The following INPP4B variants were observed in gnomAD, a reference collection of about 807,000 sequenced individuals.
INPP4B encodes the protein inositol polyphosphate 4-phosphatase type II.
INPP4B carries 55 observed loss-of-function variants against 122.5 expected under a neutral mutation model. The observed-to-expected ratio is 0.45, with a 90% CI of 0.36 to 0.56. The LOEUF (loss-of-function observed/expected upper bound fraction) is 0.56, where lower values mean the gene tolerates loss of function less well. Ranked by LOEUF, INPP4B falls within the 20% of genes least tolerant of loss-of-function variation. The pLI is 0.00. For missense variants in INPP4B, 1,000 were observed against 1,097.7 expected (o/e 0.91, Z 1.26); for synonymous variants, 403 against 388.7 (o/e 1.04, Z -0.43).
chr4:142,310,246 G>A (rs970400406), intron 8 of INPP4B, among the ~76,000 whole-genome samples: 1 of 151,974 alleles, frequency 6.6e-6, no homozygotes, highest in East Asian at 1.9e-4. Context: ...GCTACTCCAA[G>A]TTGAGATGTA....
chr4:142,819,169 G>A (rs1242291810), intron 1 of INPP4B, among the ~76,000 whole-genome samples: 1 of 152,108 alleles, frequency 6.6e-6, no homozygotes, highest in African/African-American at 2.4e-5. Flanking sequence ...CAAGAACTGA[G>A]GACGCAGTAT....
intron 3 of INPP4B, among the ~76,000 whole-genome samples, chr4:142,439,222 C>G (rs1054548172): frequency 1.9e-4 from 29 of 152,208 alleles, no homozygotes; most frequent in African/African-American, 7.0e-4. Context: ...AATCTTTGTT[C>G]TGGGGCTCCC....
intron 7 of INPP4B, among the ~76,000 whole-genome samples, chr4:142,330,419 C>A (rs1403587049): frequency 1.3e-5 from 2 of 152,138 alleles, no homozygotes; most frequent in Non-Finnish European, 2.9e-5. Context: ...TGCACTGGAG[C>A]AAGAGTGGTA....
At chr4:142,747,217 T>C (rs1768896347) in intron 1 of INPP4B, among the ~76,000 whole-genome samples, 1 of 152,100 alleles carries the variant, frequency 6.6e-6, no homozygotes, top group South Asian at 2.1e-4. Flanking sequence ...GTGAAGGATA[T>C]GAACAGGCAC....
At chr4:142,515,815 T>C (rs1481771298) in intron 2 of INPP4B, among the ~76,000 whole-genome samples, 1 of 152,220 alleles carries the variant, frequency 6.6e-6, no homozygotes. Context: ...GATTTTCTCA[T>C]TCTACTTTTT....
chr4:142,320,209 C>T (rs2151400957), intron 7 of INPP4B, among the ~76,000 whole-genome samples: 1 of 152,326 alleles, frequency 6.6e-6, no homozygotes, highest in African/African-American at 2.4e-5. Context: ...TCTCTAACTT[C>T]TGTTTTTAGG....
chr4:142,102,048 G>T (rs754675772), intron 23 of INPP4B, among the ~76,000 whole-genome samples: 1 of 151,876 alleles, frequency 6.6e-6, no homozygotes, highest in South Asian at 2.1e-4. Flanking sequence ...CTCATGGGAA[G>T]GTTTACTTGT....
intron 7 of INPP4B, among the ~76,000 whole-genome samples, chr4:142,319,565 A>G (rs1463094118): frequency 6.6e-6 from 1 of 152,206 alleles, no homozygotes; most frequent in Non-Finnish European, 1.5e-5. Flanking sequence ...ATATCCTAGG[A>G]ACCCTTGATC....
intron 2 of INPP4B, among the ~76,000 whole-genome samples, chr4:142,493,166 T>C (rs1822096467): frequency 6.6e-6 from 1 of 152,292 alleles, no homozygotes; most frequent in African/African-American, 2.4e-5. Context: ...AACCTCTACC[T>C]AGATTTCAGA....
intron 2 of INPP4B, among the ~76,000 whole-genome samples, chr4:142,568,218 C>G (rs1732067164): frequency 6.6e-6 from 1 of 151,128 alleles, no homozygotes; most frequent in Non-Finnish European, 1.5e-5. Context: ...GCAGTCTGAT[C>G]TTACCAAGGA....
intron 22 of INPP4B, 79 bp downstream of exon 22, chr4:142,112,463 C>T (rs1305093298): frequency 5.9e-6 from 8 of 1,353,892 alleles, no homozygotes; most frequent in Non-Finnish European, 7.2e-6. Context: ...GTTCTACATG[C>T]AGATACATGG....
intron 2 of INPP4B, among the ~76,000 whole-genome samples, chr4:142,617,493 G>C (rs1372233423): frequency 1.3e-5 from 2 of 152,112 alleles, no homozygotes; most frequent in Non-Finnish European, 2.9e-5. Context: ...GACAGCACCA[G>C]AGGCAAAAGC....
At chr4:142,067,475 T>C (rs936926670) in intron 25 of INPP4B, among the ~76,000 whole-genome samples, 4 of 152,194 alleles carry the variant, frequency 2.6e-5, no homozygotes, top group African/African-American at 9.6e-5. Flanking sequence ...GGATGGAGAA[T>C]GACTTTGACA....
At chr4:142,267,258 T>G (rs1743268731) in intron 10 of INPP4B, among the ~76,000 whole-genome samples, 1 of 152,154 alleles carries the variant, frequency 6.6e-6, no homozygotes. Context: ...CAAAGTTATC[T>G]TGAGTAAAGA....
chr4:142,517,813 T>A (rs1411651401), intron 2 of INPP4B, among the ~76,000 whole-genome samples: 1 of 152,158 alleles, frequency 6.6e-6, no homozygotes, highest in Non-Finnish European at 1.5e-5. Flanking sequence ...ATAGTGCTAA[T>A]AGCTCTTCAC....
chr4:142,763,314 AT>A (rs1317243442), intron 1 of INPP4B, among the ~76,000 whole-genome samples: 1 of 152,174 alleles, frequency 6.6e-6, no homozygotes, highest in African/African-American at 2.4e-5. Flanking sequence ...GTCTTTCATA[AT>A]TTTTTAAAAG....
chr4:142,065,637 G>T (rs1763131586), intron 25 of INPP4B, among the ~76,000 whole-genome samples: 1 of 152,188 alleles, frequency 6.6e-6, no homozygotes, highest in East Asian at 1.9e-4. Flanking sequence ...TATATGCAAT[G>T]TCCAGATGAG....
intron 21 of INPP4B, among the ~76,000 whole-genome samples, chr4:142,121,471 A>G (rs1796518671): frequency 6.6e-6 from 1 of 152,100 alleles, no homozygotes. Context: ...AGCAATTAAA[A>G]GCACTAACAC....
intron 2 of INPP4B, among the ~76,000 whole-genome samples, chr4:142,683,936 G>A (rs1758988637): frequency 6.6e-6 from 1 of 151,920 alleles, no homozygotes; most frequent in Non-Finnish European, 1.5e-5. Flanking sequence ...AGTTATCAGA[G>A]AGTGACAGGA....
Sources: gnomAD v4.1 joint callset for allele counts (sites outside exome capture counted in the v4.1 genomes callset) on GRCh38, gnomAD v4.1.1 for gene constraint, MANE v1.5 for transcripts, NCBI Gene and HGNC (gene_info 2026-07-23, HGNC 2026-07-21) for gene names.